LRRTM3: variants seen among roughly 807,000 people sequenced by gnomAD.
LRRTM3 encodes the protein leucine-rich repeat transmembrane neuronal protein 3.
Under a neutral mutation model 44.7 loss-of-function variants are expected in LRRTM3, and 24 were observed. The observed-to-expected ratio is 0.54, with a 90% CI of 0.39 to 0.76. The LOEUF is 0.76. LRRTM3 is among the 30% of genes least tolerant of loss of function. The probability of loss-of-function intolerance (pLI) is 0.00; values close to 1 mark genes in which losing one functional copy is unlikely to be tolerated. For missense variants in LRRTM3, 587 were observed against 702.2 expected (o/e 0.84, Z 1.85); for synonymous variants, 277 against 278.7 (o/e 0.99, Z 0.06).
chr10:66,977,950 T>C (rs1398758943), intron 2 of LRRTM3, among the ~76,000 whole-genome samples: 3 of 152,030 alleles, frequency 2.0e-5, no homozygotes, highest in Non-Finnish European at 2.9e-5. Flanking sequence ...TTAGGAAAAA[T>C]GACACTTAGT....
chr10:66,936,464 TTTTG>T (rs763241615), intron 2 of LRRTM3, among the ~76,000 whole-genome samples: 6 of 152,132 alleles, frequency 3.9e-5, no homozygotes, highest in Non-Finnish European at 8.8e-5. Flanking sequence ...CCTGGTGTTT[TTTTG>T]TTTGTTTGTT....
At chr10:66,952,986 AC>A (rs1437437029) in intron 2 of LRRTM3, among the ~76,000 whole-genome samples, 50 of 152,196 alleles carry the variant, frequency 3.3e-4, no homozygotes, top group Non-Finnish European at 1.0e-4. Flanking sequence ...GTTTTCAAAA[AC>A]CTGGAGCTAT....
At position 67,099,178 on chromosome 10, in the gene LRRTM3, C is replaced by T. The variant is rs974292439; in HGVS notation, c.*1382C>T. 3 of 151,708 alleles carry T rather than the reference C, an allele frequency of 2.0e-5. No individual in the cohort carries two copies. The highest frequency in any genetic ancestry group is 4.4e-5 in the Non-Finnish European group (3 of 67,826). The allele number at this position is 151,708 out of a possible 1,614,324, so 9.4% of individuals were successfully genotyped here. The stretch of plus-strand genomic sequence containing the variant: ...CAGCCCAGATCATATATTGATTATA[C>T]AATTGTATTATAAAGTTCATTCAAA... On this transcript the variant is annotated 3_prime_UTR_variant, in exon 3 of 3. Transcript: ENST00000361320.
At chr10:67,073,093 G>A (rs1856554489) in intron 2 of LRRTM3, among the ~76,000 whole-genome samples, 1 of 152,146 alleles carries the variant, frequency 6.6e-6, no homozygotes. Context: ...TGCCCTCAGG[G>A]AAATAAATAC....
rs1856122259 is a variant in LRRTM3 at position 67,066,825 on chromosome 10, A to C, written c.1537-30762A>C. Among the ~76,000 whole-genome samples the C allele has an allele frequency of 2.0e-5, 3 of 152,212 alleles. No homozygotes were observed. In the South Asian group the frequency reaches 6.2e-4, roughly 32 times the overall value. On this transcript the variant is annotated intron_variant, in intron 2 of 2. Coordinates refer to ENST00000361320, the MANE Select transcript of LRRTM3 (RefSeq NM_178011.5). The stretch of plus-strand genomic sequence containing the variant: ...TTCTAGCTTACCATCTAGCAGAAGG[A>C]AATGTAAATAGTGATGTTATATTAA...
intron 2 of LRRTM3, among the ~76,000 whole-genome samples, chr10:67,022,760 AC>A: frequency 6.6e-6 from 1 of 152,082 alleles, no homozygotes; most frequent in South Asian, 2.1e-4. Context: ...ACACAGTGAA[AC>A]CCTGTCTCTG....
At chr10:67,022,597 G>A (rs1853094937) in intron 2 of LRRTM3, among the ~76,000 whole-genome samples, 2 of 152,038 alleles carry the variant, frequency 1.3e-5, no homozygotes, top group African/African-American at 2.4e-5. Context: ...AATATACAAA[G>A]GTAAGTATAC....
chr10:66,974,769 C>T (rs781632766), intron 2 of LRRTM3, among the ~76,000 whole-genome samples: 4 of 151,132 alleles, frequency 2.6e-5, no homozygotes, highest in East Asian at 1.9e-4. Context: ...TGACTAATGA[C>T]ATTGCACATC....
chr10:67,069,876 C>T (rs1011343508), intron 2 of LRRTM3, among the ~76,000 whole-genome samples: 1 of 152,108 alleles, frequency 6.6e-6, no homozygotes, highest in African/African-American at 2.4e-5. Context: ...TGTTTGAACA[C>T]TTTTGTACAT....
At chr10:66,936,402 T>C (rs1236299980) in intron 2 of LRRTM3, among the ~76,000 whole-genome samples, 2 of 152,222 alleles carry the variant, frequency 1.3e-5, no homozygotes, top group South Asian at 4.1e-4. Context: ...TGCCATCACA[T>C]TCTTAAATTT....
In LRRTM3 at chr10:67,006,411, C is replaced by CTG; in HGVS notation, c.1536+77962_1536+77963dup. Among the ~76,000 whole-genome samples, 4 of 152,270 alleles carry CTG rather than the reference C, an allele frequency of 2.6e-5. 1 individual carries two copies. Among genetic ancestry groups the CTG allele is most frequent in the Admixed American group, 2.6e-4 (4 of 15,292 alleles). On this transcript the variant is annotated intron_variant, in intron 2 of 2. Transcript: ENST00000361320. ...CCACCCCTTCTCTTTCTCCCTCTTT[C>CTG]TGTGCTATGTATATACTACTCTACA... is the stretch of plus-strand genomic sequence containing the variant.
At chr10:67,090,513 C>G (rs1336255859) in intron 2 of LRRTM3, among the ~76,000 whole-genome samples, 1 of 152,042 alleles carries the variant, frequency 6.6e-6, no homozygotes, top group Non-Finnish European at 1.5e-5. Flanking sequence ...AGATAAGCAA[C>G]AAAATGTAGT....
chr10:66,944,399 C>T (rs1382936642), intron 2 of LRRTM3, among the ~76,000 whole-genome samples: 1 of 152,086 alleles, frequency 6.6e-6, no homozygotes, highest in East Asian at 1.9e-4. Flanking sequence ...ATTCTAGTTC[C>T]CCGCTATTTC....
chr10:67,036,479 C>T (rs1854064921), intron 2 of LRRTM3, among the ~76,000 whole-genome samples: 2 of 152,080 alleles, frequency 1.3e-5, no homozygotes, highest in Admixed American at 1.3e-4. Flanking sequence ...GCCTGGCCAA[C>T]ATGGTGAAAC....
rs143119999 is a variant in LRRTM3, at chr10:67,035,514, T to A, written c.1537-62073T>A. Among the ~76,000 whole-genome samples the A allele has an allele frequency of 4.0e-3, 611 of 152,240 alleles. 4 individuals are homozygous for A. Among genetic ancestry groups the A allele is most frequent in the African/African-American group, 0.014 (583 of 41,524 alleles). Reference sequence around the variant, plus strand: ...AGAAAGTAAAGAATATAGGAGAAAGTTTACTTGTTTTTTAATGTGAATCAG... The same window carrying A: ...AGAAAGTAAAGAATATAGGAGAAAGATTACTTGTTTTTTAATGTGAATCAG... On this transcript the variant is annotated intron_variant, in intron 2 of 2. Coordinates refer to ENST00000361320, the MANE Select transcript of LRRTM3 (RefSeq NM_178011.5).
At chr10:67,044,305 G>A (rs1160622564) in intron 2 of LRRTM3, among the ~76,000 whole-genome samples, 3 of 152,110 alleles carry the variant, frequency 2.0e-5, no homozygotes, top group Non-Finnish European at 2.9e-5. Context: ...ACAATTTAAC[G>A]AGGGGGAAGG....
In LRRTM3 at chr10:67,058,360, T is replaced by C. The variant is rs538982419; in HGVS notation, c.1537-39227T>C. Among the ~76,000 whole-genome samples, 3 of 152,342 alleles carry C rather than the reference T, an allele frequency of 2.0e-5. No homozygotes were observed. The East Asian group carries it at 5.8e-4, about 29-fold the overall frequency. On this transcript the variant is annotated intron_variant, in intron 2 of 2. Transcript: ENST00000361320. ...ATATTGTTTTATGTATTACATTGGT[T>C]TCAAGAGAAATTTTATAATTCTTAT...
intron 2 of LRRTM3, among the ~76,000 whole-genome samples, chr10:67,027,273 A>G (rs1315828400): frequency 6.6e-6 from 1 of 152,184 alleles, no homozygotes; most frequent in Non-Finnish European, 1.5e-5. Flanking sequence ...AGTCACCTAG[A>G]TCTTTTTAAT....
intron 2 of LRRTM3, among the ~76,000 whole-genome samples, chr10:66,940,361 T>C (rs1464101706): frequency 6.6e-6 from 1 of 152,066 alleles, no homozygotes; most frequent in Non-Finnish European, 1.5e-5. Context: ...CTGGGTGTGA[T>C]GGCACATGCT....
Sources: gnomAD v4.1 joint callset for allele counts (sites outside exome capture counted in the v4.1 genomes callset) on GRCh38, gnomAD v4.1.1 for gene constraint, MANE v1.5 for transcripts, NCBI Gene and HGNC (gene_info 2026-07-23, HGNC 2026-07-21) for gene names.